EIF3L: variants seen among roughly 807,000 people sequenced by gnomAD.
EIF3L encodes eukaryotic translation initiation factor 3 subunit L.
A neutral mutation model predicts 74.6 loss-of-function variants in EIF3L; 32 were observed. That is an observed-to-expected ratio of 0.43 (90% CI 0.32 to 0.58). The LOEUF is 0.58. Ranked by LOEUF, EIF3L falls within the 20% of genes least tolerant of loss-of-function variation. EIF3L has a pLI of 0.06. For missense variants in EIF3L, 474 were observed against 707.8 expected, an observed-to-expected ratio of 0.67 and a Z score of 3.75; for synonymous variants, 256 against 254.4, an observed-to-expected ratio of 1.01 and a Z score of -0.06.
intron 4 of EIF3L, among the ~76,000 whole-genome samples, chr22:37,857,665 C>T (rs1925606807): frequency 6.6e-6 from 1 of 151,932 alleles, no homozygotes; most frequent in Non-Finnish European, 1.5e-5. Context: ...CTGCCTCAGC[C>T]TCCCGAGTAG....
intron 10 of EIF3L, chr22:37,876,356 A>G (rs1926752176): frequency 6.2e-6 from 1 of 161,022 alleles, no homozygotes; most frequent in African/African-American, 2.7e-5. Flanking sequence ...GCTGGAGTAC[A>G]GTGGTGCAAT....
At chr22:37,866,794 C>CA (rs1289108520) in intron 7 of EIF3L, among the ~76,000 whole-genome samples, 2 of 151,418 alleles carry the variant, frequency 1.3e-5, no homozygotes, top group African/African-American at 2.4e-5. Context: ...TCAAAAAAAA[C>CA]AAAAAACAAA....
intron 10 of EIF3L, chr22:37,877,227 C>T (rs1352446853): frequency 2.4e-5 from 4 of 167,864 alleles, no homozygotes; most frequent in East Asian, 1.7e-4. Flanking sequence ...ATCTAAGATA[C>T]AGTAAAAATA....
intron 4 of EIF3L, among the ~76,000 whole-genome samples, 157 bp downstream of exon 4, chr22:37,855,801 G>A (rs575367959): frequency 6.6e-6 from 1 of 152,120 alleles, no homozygotes; most frequent in Non-Finnish European, 1.5e-5. Flanking sequence ...CTTGTCGAAG[G>A]CTGGATGATT....
Position 37,859,374 on chromosome 22 carries a change from CTTT to C in EIF3L, c.435+653_435+655del, listed in dbSNP as rs34020382. On this transcript the variant is annotated intron_variant, in intron 5 of 12. Coordinates refer to ENST00000652021, the MANE Select transcript of EIF3L (RefSeq NM_016091.4). ...CTAAATTATAGAGTACGTGAAGTTT[CTTT>C]TTTTTTTTTTTTTTTTTTGAGAGAG... is the stretch of plus-strand genomic sequence containing the variant. Among the ~76,000 whole-genome samples the C allele has an allele frequency of 3.4e-3, 272 of 79,128 alleles. 2 individuals are homozygous for C. Among genetic ancestry groups the C allele is most frequent in the African/African-American group, 9.6e-3 (170 of 17,618 alleles). 51.9% of individuals were successfully genotyped at this position (79,128 alleles called of 152,430 possible). A position where few individuals can be genotyped will look rare whatever the true frequency, so the allele number is the denominator to read the frequency against.
At chr22:37,878,333 T>C (rs2145836473) in intron 11 of EIF3L, 162 bp downstream of exon 11, 1 of 869,984 alleles carries the variant, frequency 1.1e-6, no homozygotes, top group East Asian at 2.7e-5. Flanking sequence ...ATACTAGTAC[T>C]TTAGGGGAGG....
intron 11 of EIF3L, chr22:37,881,341 CCTT>C (rs1477462984): frequency 6.6e-6 from 1 of 152,148 alleles, no homozygotes; most frequent in Non-Finnish European, 1.5e-5. Context: ...TTCAAGCAAT[CCTT>C]CTGTCTCAGC....
chr22:37,858,219 C>CTTTTTTTTTTTTTTTT (rs549425262), intron 4 of EIF3L, among the ~76,000 whole-genome samples: 2 of 85,084 alleles, frequency 2.4e-5, no homozygotes, highest in African/African-American at 9.7e-5. Context: ...TTCTTTCTTC[C>CTTTTTTTTTTTTTTTT]TTTTTTTTTT....
intron 5 of EIF3L, 144 bp from the exon 6 acceptor site, chr22:37,862,825 C>T: frequency 1.6e-6 from 1 of 608,360 alleles, no homozygotes; most frequent in Non-Finnish European, 2.8e-6. Context: ...TTCTATCTTC[C>T]CTCTCACTTG....
chr22:37,878,200 T>G lies in EIF3L; in HGVS notation c.1575+29T>G, dbSNP rs754561600. 16 of 1,557,600 alleles carry G rather than the reference T, an allele frequency of 1.0e-5. No individual in the cohort carries two copies. The Admixed American group carries it at 2.7e-4, about 26-fold the overall frequency. On this transcript the variant is annotated intron_variant, in intron 11 of 12. Transcript: ENST00000652021. ...TGCCTGTCCCCTGGGCTTGGGGTCT[T>G]GTATTAAGTGTTCAGTATCTTTCAT...
intron 5 of EIF3L, 71 bp downstream of exon 5, chr22:37,858,811 A>G (rs1430287481): frequency 5.2e-6 from 7 of 1,352,028 alleles, no homozygotes; most frequent in Non-Finnish European, 6.2e-6. Context: ...TTGTCCCTAG[A>G]ACACAGTCAT....
intron 12 of EIF3L, chr22:37,887,215 C>T (rs1384536577): frequency 2.4e-5 from 4 of 169,222 alleles, no homozygotes; most frequent in Non-Finnish European, 3.8e-5. Context: ...CAGGCATGAG[C>T]CACCATGCCT....
At chr22:37,867,709 C>T (rs1253292876) in intron 7 of EIF3L, among the ~76,000 whole-genome samples, 1 of 149,534 alleles carries the variant, frequency 6.7e-6, no homozygotes, top group Non-Finnish European at 1.5e-5. Context: ...AATCCCAGCA[C>T]TTTGGGAGGC....
chr22:37,869,336 T>A (rs867764478), intron 7 of EIF3L, among the ~76,000 whole-genome samples: 63 of 152,102 alleles, frequency 4.1e-4, no homozygotes, highest in African/African-American at 1.5e-3. Flanking sequence ...TTGCCATGTT[T>A]CCCAGGCTGG....
At chr22:37,869,484 G>C (rs1926358426) in intron 7 of EIF3L, among the ~76,000 whole-genome samples, 1 of 152,124 alleles carries the variant, frequency 6.6e-6, no homozygotes, top group East Asian at 1.9e-4. Context: ...TTAGGTCTGT[G>C]ATTTCCAAAC....
In EIF3L at chr22:37,878,008, C is replaced by G; in HGVS notation, c.1412C>G (p.Pro471Arg). The G allele has an allele frequency of 2.5e-6, 4 of 1,613,744 alleles. No homozygotes were observed. The highest frequency in any genetic ancestry group is 3.4e-6 in the Non-Finnish European group (4 of 1,179,994). Reference sequence around the variant, plus strand: ...TTCCTGAAGCTCTACACCACCATGCCTGTGGCCAAGCTGGCTGGCTTCCTG... The same window carrying G: ...TTCCTGAAGCTCTACACCACCATGCGTGTGGCCAAGCTGGCTGGCTTCCTG... Reference protein sequence around the residue: ...RSFLKLYTTMPVAKLAGFLDL... With the variant: ...RSFLKLYTTMRVAKLAGFLDL... The change falls in exon 11 of 13, where the codon CCT becomes CGT. Residue 471 changes from proline to arginine, a missense_variant. Around this residue, in one of 4 missense-constraint regions of EIF3L, gnomAD observed 293 missense variants for 469.1 expected, o/e 0.62. Transcript: ENST00000652021.
rs1394201099 is a variant in EIF3L, at chr22:37,863,326, T to C, written c.560T>C (p.Ile187Thr). The C allele has an allele frequency of 1.2e-6, 2 of 1,613,900 alleles. No homozygotes were observed. The highest frequency in any genetic ancestry group is 1.7e-5 in the Admixed American group (1 of 59,944). Residue 187 changes from isoleucine to threonine, a missense_variant, in exon 7 of 13, where the codon ATC becomes ACC. By Grantham distance (89) the Ile-to-Thr change is moderately conservative. Around this residue, in one of 4 missense-constraint regions of EIF3L, gnomAD observed 1 missense variants for 16.8 expected, o/e 0.06. Coordinates refer to ENST00000652021, the MANE Select transcript of EIF3L (RefSeq NM_016091.4). ...CCCAACCAGTGGCTCTGGGATATTATCGATGAGTTCATCTACCAGGTATCT... is the reference window on the plus strand; with the variant it reads ...CCCAACCAGTGGCTCTGGGATATTACCGATGAGTTCATCTACCAGGTATCT... The part of the protein sequence containing the change: ...ELPNQWLWDI[I>T]DEFIYQFQSF...
At chr22:37,854,691 T>G (rs986006692) in intron 3 of EIF3L, among the ~76,000 whole-genome samples, 3 of 152,178 alleles carry the variant, frequency 2.0e-5, no homozygotes, top group Non-Finnish European at 4.4e-5. Flanking sequence ...GGTCTGGAAC[T>G]CCTAACCTCA....
chr22:37,866,787 A>G (rs909947027), intron 7 of EIF3L, among the ~76,000 whole-genome samples: 2 of 152,146 alleles, frequency 1.3e-5, no homozygotes, highest in Non-Finnish European at 2.9e-5. Flanking sequence ...CTCTGTCTCA[A>G]AAAAAACAAA....
Sources: gnomAD v4.1 joint callset for allele counts (sites outside exome capture counted in the v4.1 genomes callset) on GRCh38, gnomAD v4.1.1 for gene constraint, gnomAD v4.1.1 regional missense constraint, MANE v1.5 for transcripts, NCBI Gene and HGNC (gene_info 2026-07-23, HGNC 2026-07-21) for gene names.